The following PTPN11 variants were observed in gnomAD, a reference collection of about 807,000 sequenced individuals.
PTPN11 encodes the protein tyrosine-protein phosphatase non-receptor type 11.
In PTPN11, 6 loss-of-function variants were observed where a neutral mutation model predicts 78.8. The observed-to-expected ratio is 0.08, with a 90% CI of 0.04 to 0.15. The LOEUF (loss-of-function observed/expected upper bound fraction) is 0.15. Ranked by LOEUF, PTPN11 falls within the 10% of genes least tolerant of loss-of-function variation. The pLI, the probability that PTPN11 is intolerant of heterozygous loss-of-function variation, is 1.00. For synonymous variants in PTPN11, 221 were observed against 263.5 expected (o/e 0.84, Z 1.56); for missense variants, 386 against 744.8 (o/e 0.52, Z 5.61).
intron 7 of PTPN11, among the ~76,000 whole-genome samples, chr12:112,474,314 A>G (rs192068086): frequency 1.3e-5 from 2 of 152,222 alleles, no homozygotes; most frequent in Non-Finnish European, 2.9e-5. Flanking sequence ...CGGAGGTGCT[A>G]TGTGCACCAC....
At chr12:112,427,524 C>G (rs372943251) in intron 1 of PTPN11, among the ~76,000 whole-genome samples, 2 of 150,220 alleles carry the variant, frequency 1.3e-5, no homozygotes, top group Non-Finnish European at 1.5e-5. Context: ...CCAGCCTGGG[C>G]GACAGAGCGA....
At chr12:112,501,570 A>T (rs1431871772) in intron 13 of PTPN11, among the ~76,000 whole-genome samples, 1 of 152,222 alleles carries the variant, frequency 6.6e-6, no homozygotes, top group Non-Finnish European at 1.5e-5. Context: ...GGTTGCAGTG[A>T]GCCGAGATCA....
chr12:112,419,692 G>C (rs1209264089), intron 1 of PTPN11, among the ~76,000 whole-genome samples: 1 of 152,172 alleles, frequency 6.6e-6, no homozygotes, highest in East Asian at 1.9e-4. Flanking sequence ...AAAACTGACT[G>C]TATCTGCAGC....
chr12:112,459,908 T>TACACACACACAC (rs56846748), intron 6 of PTPN11, among the ~76,000 whole-genome samples: 2 of 146,884 alleles, frequency 1.4e-5, no homozygotes, highest in African/African-American at 5.0e-5. Flanking sequence ...TCCTGATTGC[T>TACACACACACAC]ACACACACAC....
intron 6 of PTPN11, among the ~76,000 whole-genome samples, chr12:112,456,822 T>C (rs1329179375): frequency 1.3e-5 from 2 of 152,090 alleles, no homozygotes; most frequent in African/African-American, 4.8e-5. Flanking sequence ...TCTTGAACTC[T>C]TGGGCTCAAG....
chr12:112,435,253 C>G (rs1019116989), intron 1 of PTPN11, among the ~76,000 whole-genome samples: 2 of 152,154 alleles, frequency 1.3e-5, no homozygotes, highest in African/African-American at 4.8e-5. Flanking sequence ...CTCCTGGTCT[C>G]AAGCAATCCT....
intron 1 of PTPN11, among the ~76,000 whole-genome samples, chr12:112,424,352 A>T (rs762914053): frequency 1.1e-4 from 16 of 152,308 alleles, no homozygotes; most frequent in Admixed American, 9.8e-4. Flanking sequence ...CTTTAGTGTC[A>T]TGTGGACCAT....
chr12:112,419,151 C>G (rs1455818876), intron 1 of PTPN11, 26 bp downstream of exon 1: 2 of 1,500,548 alleles, frequency 1.3e-6, no homozygotes, highest in African/African-American at 2.9e-5. Flanking sequence ...GGGCCCGGCG[C>G]GGGCCTCGGC....
rs552122035 is a variant in PTPN11, at chr12:112,438,864, A to G, written c.15-7412A>G. 7.9e-5 allele frequency among the ~76,000 whole-genome samples: 12 copies of G among 152,042 alleles called. No individual in the cohort carries two copies. The South Asian group carries it at 1.0e-3, about 13-fold the overall frequency. ...GGTCTTGAACACCTGGCCTTAAGCA[A>G]TCCTCCCACCCTAGCCTGCCAAAAC... On this transcript the variant is annotated intron_variant, in intron 1 of 15. Transcript: ENST00000351677.
At chr12:112,486,004 A>T (rs907560636) in intron 10 of PTPN11, among the ~76,000 whole-genome samples, 9 of 114,302 alleles carry the variant, frequency 7.9e-5, no homozygotes, top group Admixed American at 1.7e-4. Context: ...AAAAAGAATG[A>T]TACTATAGTC....
At chr12:112,464,376 C>G (rs1360902736) in intron 6 of PTPN11, among the ~76,000 whole-genome samples, 1 of 152,004 alleles carries the variant, frequency 6.6e-6, no homozygotes, top group Admixed American at 6.6e-5. Context: ...ATTGCAAACC[C>G]AAGTCTTTGA....
At chr12:112,422,806 G>C (rs570184241) in intron 1 of PTPN11, among the ~76,000 whole-genome samples, 1 of 152,292 alleles carries the variant, frequency 6.6e-6, no homozygotes, top group African/African-American at 2.4e-5. Flanking sequence ...TCGTGTCCAT[G>C]GTCAATGTGG....
intron 1 of PTPN11, among the ~76,000 whole-genome samples, chr12:112,425,781 G>C (rs773585740): frequency 1.3e-5 from 2 of 151,986 alleles, no homozygotes; most frequent in Non-Finnish European, 2.9e-5. Flanking sequence ...CAGGCTGGAG[G>C]GCAATGTTGC....
In PTPN11 at chr12:112,477,966, A is replaced by G; in HGVS notation, c.1043A>G (p.Glu348Gly). ...VNDFWRMVFQ[E>G]NSRVIVMTTK... ...GACTTTTGGCGGATGGTGTTCCAAG[A>G]AAACTCCCGAGTGATTGTCATGACA... Residue 348 changes from glutamate (E) to glycine (G), a missense_variant, in exon 9 of 16, where the codon GAA becomes GGA. Glu to Gly is a moderately conservative substitution (Grantham distance 98). Coordinates refer to ENST00000351677, the MANE Select transcript of PTPN11 (RefSeq NM_002834.5). 4.3e-6 allele frequency: 7 copies of G among 1,614,196 alleles called. No individual in the cohort carries two copies. Among genetic ancestry groups the G allele is most frequent in the Non-Finnish European group, 5.9e-6 (7 of 1,180,030 alleles).
chr12:112,421,860 T>G (rs1244271376), intron 1 of PTPN11, among the ~76,000 whole-genome samples: 1 of 152,184 alleles, frequency 6.6e-6, no homozygotes, highest in African/African-American at 2.4e-5. Context: ...ACTCCCGGGC[T>G]CAAGCGATCT....
intron 1 of PTPN11, among the ~76,000 whole-genome samples, chr12:112,438,050 C>T (rs2037821670): frequency 6.6e-6 from 1 of 152,126 alleles, no homozygotes; most frequent in Non-Finnish European, 1.5e-5. Flanking sequence ...CTCTGATGTA[C>T]CTGAAGTATT....
At chr12:112,502,295 G>C (rs1338672027) in intron 14 of PTPN11, 39 bp downstream of exon 14, 2 of 1,546,732 alleles carry the variant, frequency 1.3e-6, no homozygotes, top group South Asian at 1.1e-5. Flanking sequence ...ACCTGGTCAT[G>C]GTGGTTTAAA....
chr12:112,482,829 C>T lies in PTPN11; in HGVS notation c.1224+624C>T, dbSNP rs558781018. 6.6e-5 allele frequency among the ~76,000 whole-genome samples: 10 copies of T among 152,286 alleles called. No homozygotes were observed. In the South Asian group the frequency reaches 2.1e-3, roughly 32 times the overall value. ...CAAGACACATTGTAGAGGTTTGAGT[C>T]TGAGCGGACAGTGGTGCTGTGGCAG... On this transcript the variant is annotated intron_variant, in intron 10 of 15. Transcript: ENST00000351677. The surrounding 1 kb of genome is among the most constrained non-coding windows in gnomAD (Gnocchi z 4.4).
intron 1 of PTPN11, among the ~76,000 whole-genome samples, chr12:112,425,534 A>G (rs1346984865): frequency 6.6e-6 from 1 of 152,234 alleles, no homozygotes; most frequent in East Asian, 1.9e-4. Context: ...TATGTATACA[A>G]GAAACTGAAA....
Sources: allele counts gnomAD v4.1 joint callset (sites outside exome capture counted in the v4.1 genomes callset), GRCh38; gene constraint gnomAD v4.1.1; non-coding constraint Gnocchi (gnomAD v3.1); transcripts MANE v1.5; gene names NCBI Gene and HGNC (gene_info 2026-07-23, HGNC 2026-07-21).